The following HACD4 variants were observed in gnomAD, a reference collection of about 807,000 sequenced individuals.
HACD4 encodes very-long-chain (3R)-3-hydroxyacyl-CoA dehydratase 4.
In HACD4, 35 loss-of-function variants were observed where a neutral mutation model predicts 33.3. The ratio of observed to expected loss-of-function variants is 1.05; its 90% confidence interval spans 0.80 to 1.39. HACD4 has a LOEUF of 1.39. Among genes scored for constraint, HACD4 ranks in the 40% most tolerant of loss-of-function variants. The pLI is 0.00. For missense variants in HACD4, 323 were observed against 276.5 expected (o/e 1.17, Z -1.19); for synonymous variants, 118 against 98.0 (o/e 1.20, Z -1.21).
intron 3 of HACD4, among the ~76,000 whole-genome samples, chr9:21,017,638 C>T (rs2275884): frequency 0.13 from 20,429 of 152,050 alleles, 1,525 homozygotes; most frequent in East Asian, 0.2. Flanking sequence ...TCAGGAGATA[C>T]ACATACATGA....
chr9:21,028,412 CT>C (rs1476107986), intron 2 of HACD4, among the ~76,000 whole-genome samples: 2 of 152,132 alleles, frequency 1.3e-5, no homozygotes, highest in East Asian at 1.9e-4. Flanking sequence ...GAAACTCAAG[CT>C]TTAGGTTATA....
chr9:21,024,833 CAT>C (rs1481277589), intron 3 of HACD4, among the ~76,000 whole-genome samples: 3 of 152,248 alleles, frequency 2.0e-5, no homozygotes, highest in African/African-American at 7.2e-5. Context: ...CAATAGAAAA[CAT>C]AACTGAGATT....
Position 21,002,568 on chromosome 9 carries a change from A to T in HACD4, c.*4469T>A, listed in dbSNP as rs531980821. On this transcript the variant is annotated 3_prime_UTR_variant, in exon 7 of 7. Coordinates refer to ENST00000495827, the MANE Select transcript of HACD4 (RefSeq NM_001010915.5). ...CCAGGGACAGGGCAGATGGGAGAAT[A>T]GGGAACCATTGCTTAATGAGTATAG... The T allele has an allele frequency of 6.6e-6, 1 of 152,288 alleles. No individual in the cohort carries two copies. The highest frequency in any genetic ancestry group is 1.9e-4 in the East Asian group (1 of 5,192). 9.4% of individuals were successfully genotyped at this position (152,288 alleles called of 1,614,324 possible).
chr9:21,018,269 C>G lies in HACD4; in HGVS notation c.271-2259G>C, dbSNP rs550873849. Among the ~76,000 whole-genome samples the G allele has an allele frequency of 2.6e-5, 4 of 152,232 alleles. No individual in the cohort carries two copies. In the East Asian group the frequency reaches 5.8e-4, roughly 22 times the overall value. ...ATCTCATTTTATCTCCATAATGACC[C>G]TAAGAAGTAGGTGCTATTATTGTTC... On this transcript the variant is annotated intron_variant, in intron 3 of 6. Coordinates refer to ENST00000495827, the MANE Select transcript of HACD4 (RefSeq NM_001010915.5).
intron 3 of HACD4, among the ~76,000 whole-genome samples, chr9:21,025,411 A>ATTCG (rs1818036843): frequency 6.6e-6 from 1 of 151,892 alleles, no homozygotes; most frequent in Non-Finnish European, 1.5e-5. Flanking sequence ...GTACATTTAC[A>ATTCG]TTCTAAGCAC....
intron 3 of HACD4, among the ~76,000 whole-genome samples, chr9:21,023,538 T>C (rs963854352): frequency 2.6e-5 from 4 of 151,814 alleles, no homozygotes; most frequent in African/African-American, 9.7e-5. Context: ...GGAGGACCAG[T>C]TCCCCCCAAG....
chr9:21,020,832 C>T (rs779642651), intron 3 of HACD4, among the ~76,000 whole-genome samples: 4 of 151,922 alleles, frequency 2.6e-5, no homozygotes, highest in Admixed American at 6.6e-5. Flanking sequence ...TTCCCCAAAG[C>T]GTATAAAAAA....
At chr9:21,016,939 T>TA (rs1285188730) in intron 3 of HACD4, among the ~76,000 whole-genome samples, 4 of 151,976 alleles carry the variant, frequency 2.6e-5, no homozygotes, top group Non-Finnish European at 5.9e-5. Flanking sequence ...CCTCAAAAAA[T>TA]AAAAAAATAC....
At chr9:21,018,439 A>T (rs1199809722) in intron 3 of HACD4, among the ~76,000 whole-genome samples, 1 of 152,210 alleles carries the variant, frequency 6.6e-6, no homozygotes, top group African/African-American at 2.4e-5. Context: ...TTACTCCATC[A>T]CCTAGTATCC....
intron 3 of HACD4, among the ~76,000 whole-genome samples, chr9:21,023,816 C>T (rs1817993310): frequency 6.6e-6 from 1 of 152,142 alleles, no homozygotes; most frequent in African/African-American, 2.4e-5. Flanking sequence ...ACCTCGTGAT[C>T]CGACCGCCTC....
chr9:21,024,223 A>T lies in HACD4; in HGVS notation c.270+2373T>A, dbSNP rs541583575. On this transcript the variant is annotated intron_variant, in intron 3 of 6. Coordinates refer to ENST00000495827, the MANE Select transcript of HACD4 (RefSeq NM_001010915.5). The stretch of plus-strand genomic sequence containing the variant: ...AAAAGGATGATAAATTAATAAAAGA[A>T]ATAGGGGCCAAATAAAATCTTAAAA... Among the ~76,000 whole-genome samples the T allele has an allele frequency of 1.8e-4, 27 of 152,390 alleles. No homozygotes were observed. The South Asian group carries it at 5.6e-3, about 32-fold the overall frequency.
At chr9:21,012,492 T>C (rs773712649) in intron 4 of HACD4, among the ~76,000 whole-genome samples, 3 of 152,204 alleles carry the variant, frequency 2.0e-5, no homozygotes, top group Non-Finnish European at 4.4e-5. Context: ...CTTGAAAACA[T>C]GAATGGGGAA....
intron 2 of HACD4, among the ~76,000 whole-genome samples, chr9:21,027,502 G>C (rs1818092645): frequency 6.6e-6 from 1 of 152,164 alleles, no homozygotes. Context: ...TGAGCAGTAA[G>C]GATTTCTCTT....
In HACD4 at chr9:21,003,495, C is replaced by A. The variant is rs1215486014; in HGVS notation, c.*3542G>T. ...GAAATTTAGAAGATAACTATAAAAG[C>A]AGAAAAAATGTAGCTTTTTAAAAGG... On this transcript the variant is annotated 3_prime_UTR_variant, in exon 7 of 7. Transcript: ENST00000495827. 2.0e-5 allele frequency: 3 copies of A among 152,028 alleles called. No individual in the cohort carries two copies. In the East Asian group the frequency reaches 5.8e-4, roughly 29 times the overall value. The allele number at this position is 152,028 out of a possible 1,614,324, so 9.4% of individuals were successfully genotyped here.
chr9:21,015,966 T>C lies in HACD4; in HGVS notation c.315A>G (p.Gln105=). ...CCACATATTTCTCTTGGACTTCCTCTTGACTGGTGATCACCACAAAAAGGA... is the reference window on the plus strand; with the variant it reads ...CCACATATTTCTCTTGGACTTCCTCCTGACTGGTGATCACCACAAAAAGGA... ...IIILFVVITS[Q]EEVQEKYVVC... The change falls in exon 4 of 7, where the codon CAA becomes CAG. Residue 105 remains glutamine (Q), a synonymous_variant. Transcript: ENST00000495827. The C allele has an allele frequency of 6.2e-7, 1 of 1,613,408 alleles. No homozygotes were observed. Among genetic ancestry groups the C allele is most frequent in the Non-Finnish European group, 8.5e-7 (1 of 1,179,532 alleles).
intron 2 of HACD4, among the ~76,000 whole-genome samples, chr9:21,028,653 G>C (rs979576380): frequency 6.6e-6 from 1 of 152,174 alleles, no homozygotes; most frequent in African/African-American, 2.4e-5. Context: ...TAAACTGTGA[G>C]GACACTTACC....
At chr9:21,031,331 A>C in intron 1 of HACD4, 1 of 457,702 alleles carries the variant, frequency 2.2e-6, no homozygotes, top group Non-Finnish European at 2.9e-6. Flanking sequence ...CTTCCCATTC[A>C]ACTGTAAAAT....
intron 1 of HACD4, chr9:21,031,332 A>G (rs1818212337): frequency 2.1e-6 from 1 of 467,588 alleles, no homozygotes; most frequent in Non-Finnish European, 2.8e-6. Flanking sequence ...TTCCCATTCA[A>G]CTGTAAAATG....
chr9:21,000,732 T>G lies in HACD4; in HGVS notation c.*6305A>C. 6.6e-6 allele frequency: 1 copy of G among 152,240 alleles called. No homozygotes were observed. Among genetic ancestry groups the G allele is most frequent in the Admixed American group, 6.5e-5 (1 of 15,272 alleles). The allele number at this position is 152,240 out of a possible 1,614,324, so 9.4% of individuals were successfully genotyped here. ...AAACAAGTGGAAGATAGATACTGGG[T>G]AAAGGAAGATAATTTTTAGCATATT... On this transcript the variant is annotated 3_prime_UTR_variant, in exon 7 of 7. Coordinates refer to ENST00000495827, the MANE Select transcript of HACD4 (RefSeq NM_001010915.5).
Sources: allele counts gnomAD v4.1 joint callset (sites outside exome capture counted in the v4.1 genomes callset), GRCh38; gene constraint gnomAD v4.1.1; transcripts MANE v1.5; gene names NCBI Gene and HGNC (gene_info 2026-07-23, HGNC 2026-07-21).